Variants in HK1 observed in about 807,000 individuals in gnomAD.
HK1 encodes hexokinase 1.
Under a neutral mutation model 91.6 loss-of-function variants are expected in HK1, and 28 were observed. That is an observed-to-expected ratio of 0.31 (90% confidence interval 0.23 to 0.42). The LOEUF (loss-of-function observed/expected upper bound fraction) is 0.42, where lower values mean the gene tolerates loss of function less well. Ranked by LOEUF, HK1 falls within the 10% of genes least tolerant of loss-of-function variation. The pLI is 1.00. For synonymous variants in HK1, 430 were observed against 468.1 expected (o/e 0.92, Z 1.05); for missense variants, 770 against 1,219.8 (o/e 0.63, Z 5.49).
At chr10:69,295,524 T>C (rs986969913) in intron 3 of HK1, 1 of 777,914 alleles carries the variant, frequency 1.3e-6, no homozygotes, top group Non-Finnish European at 2.3e-6. Flanking sequence ...TTACTTGTAA[T>C]TACTTTTGTT....
At chr10:69,343,248 G>A (rs1299495896) in intron 1 of HK1, among the ~76,000 whole-genome samples, 1 of 152,224 alleles carries the variant, frequency 6.6e-6, no homozygotes, top group Non-Finnish European at 1.5e-5. Flanking sequence ...ACTGTCTCAT[G>A]TTAATAATAA....
chr10:69,283,385 T>C, intron 2 of HK1, among the ~76,000 whole-genome samples: 1 of 144,000 alleles, frequency 6.9e-6, no homozygotes, highest in East Asian at 2.1e-4. Context: ...GCGCAGGAGG[T>C]CAAGGCTGTA....
At chr10:69,357,001 A>G (rs1386010415) in intron 2 of HK1, among the ~76,000 whole-genome samples, 1 of 152,188 alleles carries the variant, frequency 6.6e-6, no homozygotes, top group African/African-American at 2.4e-5. Context: ...CAACACCATT[A>G]GTCATCAGAG....
intron 9 of HK1, among the ~76,000 whole-genome samples, chr10:69,381,832 G>T (rs1200966128): frequency 6.6e-6 from 1 of 152,184 alleles, no homozygotes; most frequent in African/African-American, 2.4e-5. Flanking sequence ...GGGATTACAG[G>T]CATGAGCCAC....
chr10:69,332,956 G>A (rs1471180570), intron 1 of HK1, among the ~76,000 whole-genome samples: 1 of 152,112 alleles, frequency 6.6e-6, no homozygotes, highest in Non-Finnish European at 1.5e-5. Context: ...TGGATTGTGT[G>A]AGAGCTCCTG....
chr10:69,337,679 A>G (rs1848059844), intron 1 of HK1, among the ~76,000 whole-genome samples: 1 of 152,188 alleles, frequency 6.6e-6, no homozygotes, highest in Non-Finnish European at 1.5e-5. Flanking sequence ...TGCACGCCAC[A>G]ATTTCCTTTT....
intron 1 of HK1, among the ~76,000 whole-genome samples, chr10:69,332,092 T>G (rs890882285): frequency 2.6e-5 from 4 of 152,154 alleles, no homozygotes; most frequent in African/African-American, 9.7e-5. Flanking sequence ...ATTTCATCTG[T>G]TCTTTTTAAA....
chr10:69,344,132 CGCTGATCCATCT>C (rs1848433476), intron 2 of HK1, 143 bp downstream of exon 2: 4 of 845,828 alleles, frequency 4.7e-6, no homozygotes, highest in Admixed American at 4.0e-5. Flanking sequence ...TCCATCCATC[CGCTGATCCATCT>C]GCTGATCCAT....
intron 1 of HK1, among the ~76,000 whole-genome samples, chr10:69,280,089 C>T (rs1276755291): frequency 2.0e-5 from 3 of 151,934 alleles, no homozygotes; most frequent in Admixed American, 6.6e-5. Context: ...AGGTAGATTG[C>T]ATCTCAGATT....
Position 69,382,519 on chromosome 10 carries a change from G to T in HK1, c.1298G>T (p.Arg433Leu). The T allele has an allele frequency of 6.2e-7, 1 of 1,614,192 alleles. No homozygotes were observed. The highest frequency in any genetic ancestry group is 1.3e-5 in the African/African-American group (1 of 75,058). The change falls in exon 10 of 18, where the codon CGC (arginine) becomes CTC (leucine). Residue 433 changes from arginine (R) to leucine (L), a missense_variant. This residue lies in a region of HK1 where 449 missense variants were observed against 665.1 expected (regional missense o/e 0.68). Transcript: ENST00000359426. Reference sequence around the variant, plus strand: ...CGGCGTTTCCACAAGACTCTAAGGCGCTTGGTGCCAGACTCCGATGTGCGC... The same window carrying T: ...CGGCGTTTCCACAAGACTCTAAGGCTCTTGGTGCCAGACTCCGATGTGCGC... ...YSRRFHKTLR[R>L]LVPDSDVRFL... is the part of the protein sequence containing the mutation.
rs533043632 is a variant in HK1 at position 69,381,817 on chromosome 10, G to A, written c.1266-670G>A. On this transcript the variant is annotated intron_variant, in intron 9 of 17. Coordinates refer to ENST00000359426, the MANE Select transcript of HK1 (RefSeq NM_000188.3). ...GATCCACCTGCCTTGGCCTCCCAAA[G>A]TACTGGGATTACAGGCATGAGCCAC... Among the ~76,000 whole-genome samples the A allele has an allele frequency of 3.3e-5, 5 of 152,312 alleles. No homozygotes were observed. The South Asian group carries it at 1.0e-3, about 32-fold the overall frequency.
upstream of HK1, among the ~76,000 whole-genome samples, chr10:69,311,538 G>A (rs1846379229): frequency 6.6e-6 from 1 of 152,166 alleles, no homozygotes; most frequent in Non-Finnish European, 1.5e-5. Flanking sequence ...TTCATTTGGG[G>A]AAACCATTTC....
At chr10:69,351,977 A>AT (rs1336693167) in intron 2 of HK1, among the ~76,000 whole-genome samples, 4 of 150,858 alleles carry the variant, frequency 2.7e-5, no homozygotes, top group Admixed American at 6.6e-5. Context: ...ACTGAATTCA[A>AT]TTTTTTCAGT....
intron 5 of HK1, among the ~76,000 whole-genome samples, chr10:69,307,785 T>G (rs1846171919): frequency 6.6e-6 from 1 of 152,200 alleles, no homozygotes; most frequent in Non-Finnish European, 1.5e-5. Context: ...TAAAGCCAAA[T>G]GTATTTAGCT....
chr10:69,337,444 T>C (rs537895964), intron 1 of HK1, among the ~76,000 whole-genome samples: 2 of 152,230 alleles, frequency 1.3e-5, no homozygotes, highest in Non-Finnish European at 2.9e-5. Context: ...GCACTTGGCA[T>C]CCACAAGCTC....
At chr10:69,273,380 T>C (rs1844276877) in intron 1 of HK1, among the ~76,000 whole-genome samples, 1 of 152,142 alleles carries the variant, frequency 6.6e-6, no homozygotes, top group Non-Finnish European at 1.5e-5. Context: ...CACACCCAGA[T>C]AATTTTTTTG....
intron 3 of HK1, 137 bp downstream of exon 3, chr10:69,360,182 G>T: frequency 1.2e-6 from 1 of 822,408 alleles, no homozygotes; most frequent in Non-Finnish European, 2.0e-6. Flanking sequence ...AGATGCATAT[G>T]TAAAAGGACT....
chr10:69,365,025 A>C, intron 4 of HK1, 123 bp downstream of exon 4: 2 of 1,116,886 alleles, frequency 1.8e-6, no homozygotes, highest in Non-Finnish European at 2.7e-6. Flanking sequence ...GTATTTTTAA[A>C]GAAACATTTG....
chr10:69,380,041 C>G lies in HK1; in HGVS notation c.1211C>G (p.Pro404Arg). 1 of 1,614,154 alleles carries G rather than the reference C, an allele frequency of 6.2e-7. No homozygotes were observed. The change falls in exon 9 of 18, where the codon CCC becomes CGC. Residue 404 changes from proline (P) to arginine (R), a missense_variant. Physicochemically the swap from Pro to Arg is moderately radical, Grantham distance 103. Around this residue, in one of 7 missense-constraint regions of HK1, gnomAD observed 449 missense variants for 665.1 expected, o/e 0.68. Coordinates refer to ENST00000359426, the MANE Select transcript of HK1 (RefSeq NM_000188.3). The surrounding 1 kb of genome is among the most constrained non-coding windows in gnomAD (Gnocchi z 4.0). Reference sequence around the variant, plus strand: ...CGCCTGCGTGATAACAAGGGCACACCCAGGCTGCGGACCACGGTTGGTGTC... The same window carrying G: ...CGCCTGCGTGATAACAAGGGCACACGCAGGCTGCGGACCACGGTTGGTGTC... ...LNRLRDNKGT[P>R]RLRTTVGVDG...
Sources: gnomAD v4.1 joint callset for allele counts (sites outside exome capture counted in the v4.1 genomes callset) on GRCh38, gnomAD v4.1.1 for gene constraint, gnomAD v4.1.1 regional missense constraint, Gnocchi (gnomAD v3.1) non-coding constraint, MANE v1.5 for transcripts, NCBI Gene and HGNC (gene_info 2026-07-23, HGNC 2026-07-21) for gene names.